KCTD16: variants seen among roughly 807,000 people sequenced by gnomAD.
The protein encoded by KCTD16 is potassium channel tetramerization domain containing 16, also known as BTB/POZ domain-containing protein KCTD16.
Under a neutral mutation model 33.2 loss-of-function variants are expected in KCTD16, and 13 were observed. The ratio of observed to expected loss-of-function variants is 0.39; its 90% CI spans 0.25 to 0.62. KCTD16 has a LOEUF of 0.62. KCTD16 is among the 20% of genes least tolerant of loss of function. KCTD16 has a pLI of 0.50. For missense variants in KCTD16, 441 were observed against 525.1 expected (o/e 0.84, Z 1.57); for synonymous variants, 197 against 195.3 (o/e 1.01, Z -0.07).
intron 3 of KCTD16, among the ~76,000 whole-genome samples, chr5:144,254,693 C>A (rs990011866): frequency 3.3e-5 from 5 of 152,164 alleles, no homozygotes; most frequent in Admixed American, 3.3e-4. Context: ...CAGCCTCTGG[C>A]AACTGCCATT....
chr5:144,386,683 C>T (rs10055809), intron 3 of KCTD16, among the ~76,000 whole-genome samples: 13,058 of 152,046 alleles, frequency 0.086, 1,336 homozygotes, highest in African/African-American at 0.25. Flanking sequence ...TTATAAGAGA[C>T]GCTTAGTTAA....
intron 3 of KCTD16, among the ~76,000 whole-genome samples, chr5:144,219,132 A>G (rs1277760268): frequency 6.6e-6 from 1 of 152,208 alleles, no homozygotes; most frequent in African/African-American, 2.4e-5. Flanking sequence ...GCGTTGTGAG[A>G]ACTAAGCCAA....
At chr5:144,312,332 C>T (rs1170267439) in intron 3 of KCTD16, among the ~76,000 whole-genome samples, 1 of 152,130 alleles carries the variant, frequency 6.6e-6, no homozygotes, top group Non-Finnish European at 1.5e-5. Flanking sequence ...GCATTCATCA[C>T]TCTGATTAAA....
intron 2 of KCTD16, among the ~76,000 whole-genome samples, chr5:144,185,928 G>A (rs6879765): frequency 0.45 from 68,636 of 151,882 alleles, 16,398 homozygotes; most frequent in African/African-American, 0.61. Context: ...TTATCATCCT[G>A]TTTTACTGGT....
At chr5:144,220,256 G>T (rs928481770) in intron 3 of KCTD16, among the ~76,000 whole-genome samples, 3 of 152,218 alleles carry the variant, frequency 2.0e-5, no homozygotes, top group African/African-American at 7.2e-5. Flanking sequence ...CGTCCCAGCT[G>T]AAGTAGCCAG....
intron 3 of KCTD16, among the ~76,000 whole-genome samples, chr5:144,316,937 C>G (rs1403612569): frequency 6.7e-6 from 1 of 150,248 alleles, no homozygotes; most frequent in Non-Finnish European, 1.5e-5. Flanking sequence ...AAGTGATTCT[C>G]CTGTCTCAGC....
intron 3 of KCTD16, among the ~76,000 whole-genome samples, chr5:144,436,598 T>A (rs1187717639): frequency 6.6e-6 from 1 of 151,818 alleles, no homozygotes; most frequent in Non-Finnish European, 1.5e-5. Context: ...TTCTTTTTTT[T>A]TTTTTTGAGA....
At chr5:144,438,121 C>G (rs918111300) in intron 3 of KCTD16, among the ~76,000 whole-genome samples, 5 of 151,998 alleles carry the variant, frequency 3.3e-5, no homozygotes, top group African/African-American at 1.2e-4. Flanking sequence ...CTTATTTTTA[C>G]TTTTTTAAAT....
chr5:144,294,432 A>G (rs532095827), intron 3 of KCTD16, among the ~76,000 whole-genome samples: 32 of 152,254 alleles, frequency 2.1e-4, no homozygotes, highest in African/African-American at 7.7e-4. Context: ...GAGATGTTTA[A>G]TGGTGCTCAT....
At chr5:144,180,958 AGTCTCGCTCT>A (rs1387206024) in intron 2 of KCTD16, among the ~76,000 whole-genome samples, 57 of 150,130 alleles carry the variant, frequency 3.8e-4, no homozygotes, top group African/African-American at 1.3e-3. Flanking sequence ...TTTGAGACGG[AGTCTCGCTCT>A]GTCGCCCAGG....
intron 3 of KCTD16, among the ~76,000 whole-genome samples, chr5:144,224,384 T>TTTC (rs1561535247): frequency 5.8e-4 from 1 of 1,712 alleles, no homozygotes; most frequent in Non-Finnish European, 2.5e-3. Flanking sequence ...ATATAATGTG[T>TTTC]TTTTTTTTTT....
At chr5:144,286,478 A>C (rs940532378) in intron 3 of KCTD16, among the ~76,000 whole-genome samples, 3 of 152,184 alleles carry the variant, frequency 2.0e-5, no homozygotes, top group African/African-American at 7.2e-5. Context: ...GCAAGCCTTA[A>C]ATTGAGCTGC....
chr5:144,277,512 C>A (rs139268449), intron 3 of KCTD16, among the ~76,000 whole-genome samples: 4 of 152,268 alleles, frequency 2.6e-5, no homozygotes, highest in Non-Finnish European at 5.9e-5. Context: ...CATATTATAT[C>A]CAATAAAATT....
At chr5:144,253,648 C>A (rs1439193486) in intron 3 of KCTD16, among the ~76,000 whole-genome samples, 1 of 152,004 alleles carries the variant, frequency 6.6e-6, no homozygotes, top group East Asian at 1.9e-4. Flanking sequence ...AAAAAGAATA[C>A]CGTTTTGGGC....
At chr5:144,249,544 A>G (rs949611810) in intron 3 of KCTD16, among the ~76,000 whole-genome samples, 18 of 152,174 alleles carry the variant, frequency 1.2e-4, no homozygotes, top group Admixed American at 6.5e-4. Flanking sequence ...GGTAGGAAGG[A>G]AAGGAGTTGG....
chr5:144,408,352 G>A (rs2126951740), intron 3 of KCTD16, among the ~76,000 whole-genome samples: 1 of 152,308 alleles, frequency 6.6e-6, no homozygotes, highest in African/African-American at 2.4e-5. Context: ...CTATAACTTG[G>A]TGGAATTACA....
chr5:144,215,337 A>G (rs1472734844), intron 3 of KCTD16, among the ~76,000 whole-genome samples: 1 of 152,224 alleles, frequency 6.6e-6, no homozygotes, highest in Non-Finnish European at 1.5e-5. Flanking sequence ...AAATTGATAA[A>G]TATCCCCAAT....
At chr5:144,311,901 A>G (rs1028287350) in intron 3 of KCTD16, among the ~76,000 whole-genome samples, 1 of 152,218 alleles carries the variant, frequency 6.6e-6, no homozygotes, top group Non-Finnish European at 1.5e-5. Flanking sequence ...CAAAAAGTTA[A>G]TGAATATTCT....
chr5:144,220,668 G>A (rs1398047404), intron 3 of KCTD16, among the ~76,000 whole-genome samples: 4 of 152,176 alleles, frequency 2.6e-5, no homozygotes, highest in South Asian at 4.1e-4. Flanking sequence ...AGGGCCAGGT[G>A]CAGTGGCTCA....
Sources: gnomAD v4.1 joint callset for allele counts (sites outside exome capture counted in the v4.1 genomes callset) on GRCh38, gnomAD v4.1.1 for gene constraint, MANE v1.5 for transcripts, NCBI Gene and HGNC (gene_info 2026-07-23, HGNC 2026-07-21) for gene names.